Variants in PDE11A observed in about 807,000 individuals in gnomAD.
PDE11A encodes dual 3',5'-cyclic-AMP and -GMP phosphodiesterase 11A.
PDE11A carries 100 observed loss-of-function variants against 100.5 expected under a neutral mutation model. The observed-to-expected ratio is 1.00, with a 90% CI of 0.85 to 1.18. The LOEUF (loss-of-function observed/expected upper bound fraction) is 1.18. Among genes scored for constraint, PDE11A ranks in the 50% most tolerant of loss-of-function variants. PDE11A has a pLI of 0.00. For missense variants in PDE11A, 1,141 were observed against 1,152.6 expected (o/e 0.99, Z 0.15); for synonymous variants, 381 against 420.8 (o/e 0.91, Z 1.16).
rs548151195 is a variant in PDE11A at position 177,783,620 on chromosome 2, G to A, written c.1738-14247C>T. Among the ~76,000 whole-genome samples, 26 of 152,234 alleles carry A rather than the reference G, an allele frequency of 1.7e-4. 1 individual carries two copies. Among genetic ancestry groups the A allele is most frequent in the Middle Eastern group, 3.4e-3 (1 of 294 alleles). On this transcript the variant is annotated intron_variant, in intron 9 of 19. Coordinates refer to ENST00000286063, the MANE Select transcript of PDE11A (RefSeq NM_016953.4). Reference sequence around the variant, plus strand: ...CAGATTGCCACTGCATTACTCTTCTGTAACTAAAGATGCTTTAAGTCTAAC... The same window carrying A: ...CAGATTGCCACTGCATTACTCTTCTATAACTAAAGATGCTTTAAGTCTAAC...
chr2:177,842,557 T>C (rs1313654920), intron 5 of PDE11A, among the ~76,000 whole-genome samples: 1 of 152,162 alleles, frequency 6.6e-6, no homozygotes, highest in African/African-American at 2.4e-5. Context: ...TTTAAGAATA[T>C]GGAGCAGGGA....
At chr2:178,019,679 T>C (rs1476917302) in intron 1 of PDE11A, among the ~76,000 whole-genome samples, 2 of 152,160 alleles carry the variant, frequency 1.3e-5, no homozygotes, top group African/African-American at 4.8e-5. Context: ...GAGGATAGTC[T>C]GGGTTTAAGA....
intron 5 of PDE11A, among the ~76,000 whole-genome samples, chr2:177,872,340 C>T (rs913888464): frequency 2.6e-5 from 4 of 152,182 alleles, no homozygotes; most frequent in Non-Finnish European, 5.9e-5. Flanking sequence ...AGAATCCTGT[C>T]ACTAGAGGTG....
chr2:178,072,790 C>A (rs901402611), upstream of PDE11A: 4 of 1,234,482 alleles, frequency 3.2e-6, no homozygotes, highest in Non-Finnish European at 4.1e-6. Flanking sequence ...ATGAGTGGAC[C>A]GCTGTGACAG....
chr2:178,004,211 T>C (rs907659727), intron 2 of PDE11A, among the ~76,000 whole-genome samples: 6 of 152,042 alleles, frequency 3.9e-5, no homozygotes, highest in African/African-American at 1.2e-4. Flanking sequence ...TTTTTTTGTA[T>C]TTTCCAAATT....
At chr2:177,933,378 T>C (rs1462931164) in intron 2 of PDE11A, among the ~76,000 whole-genome samples, 2 of 152,102 alleles carry the variant, frequency 1.3e-5, no homozygotes, top group African/African-American at 2.4e-5. Context: ...AAAGCAATCC[T>C]AAGCAAAAAG....
intron 4 of PDE11A, among the ~76,000 whole-genome samples, chr2:177,883,005 C>T (rs1473691134): frequency 1.3e-5 from 2 of 152,058 alleles, no homozygotes; most frequent in South Asian, 2.1e-4. Context: ...TGTGGTGGCT[C>T]ACACCTGTAA....
chr2:178,102,742 T>C (rs1324583322), intron 2 of PDE11A, among the ~76,000 whole-genome samples: 1 of 152,166 alleles, frequency 6.6e-6, no homozygotes, highest in Non-Finnish European at 1.5e-5. Flanking sequence ...ATTTATTTTA[T>C]ATGTAAAAGT....
chr2:177,728,412 A>G (rs2081635564), intron 10 of PDE11A, among the ~76,000 whole-genome samples: 1 of 152,046 alleles, frequency 6.6e-6, no homozygotes, highest in Admixed American at 6.6e-5. Context: ...TGAAGATAAA[A>G]TACACGCACT....
intron 10 of PDE11A, among the ~76,000 whole-genome samples, chr2:177,755,434 G>A (rs754542003): frequency 5.9e-5 from 9 of 152,170 alleles, no homozygotes; most frequent in Non-Finnish European, 1.0e-4. Context: ...CCCAGGAAAT[G>A]CCTGCCTGCC....
At chr2:177,819,597 G>A (rs1239699783) in intron 7 of PDE11A, among the ~76,000 whole-genome samples, 1 of 152,014 alleles carries the variant, frequency 6.6e-6, no homozygotes, top group Non-Finnish European at 1.5e-5. Flanking sequence ...GAGAAAAATT[G>A]GAAGCTGCTT....
intron 5 of PDE11A, among the ~76,000 whole-genome samples, chr2:177,860,275 C>T (rs2083923861): frequency 6.7e-6 from 1 of 149,760 alleles, no homozygotes; most frequent in Admixed American, 6.6e-5. Context: ...GAAAGAGGGG[C>T]TTTAACTACT....
intron 4 of PDE11A, among the ~76,000 whole-genome samples, chr2:177,892,883 G>A (rs2105720794): frequency 6.6e-6 from 1 of 152,320 alleles, no homozygotes; most frequent in Non-Finnish European, 1.5e-5. Context: ...CCAGGAAATG[G>A]GAAAAGTTGC....
intron 15 of PDE11A, among the ~76,000 whole-genome samples, chr2:177,685,846 T>C (rs1037046955): frequency 4.6e-4 from 70 of 152,148 alleles, no homozygotes; most frequent in African/African-American, 1.7e-3. Flanking sequence ...GGATTACAGG[T>C]GTGAGCCATC....
chr2:177,804,181 T>C (rs2082833029), intron 9 of PDE11A, among the ~76,000 whole-genome samples: 1 of 151,730 alleles, frequency 6.6e-6, no homozygotes, highest in Non-Finnish European at 1.5e-5. Flanking sequence ...ACCCACAGAA[T>C]GGGCAAAAAG....
At chr2:177,675,298 T>C (rs1464321200) in intron 17 of PDE11A, among the ~76,000 whole-genome samples, 157 bp downstream of exon 17, 1 of 150,040 alleles carries the variant, frequency 6.7e-6, no homozygotes, top group Non-Finnish European at 1.5e-5. Context: ...ATAAACTGTG[T>C]CGTGCCTAAG....
chr2:177,689,301 C>T (rs1490906600), intron 15 of PDE11A, among the ~76,000 whole-genome samples: 4 of 152,120 alleles, frequency 2.6e-5, no homozygotes, highest in African/African-American at 7.2e-5. Flanking sequence ...AGGCTAGTCT[C>T]GAACTCCTGA....
intron 12 of PDE11A, among the ~76,000 whole-genome samples, chr2:177,725,834 G>A (rs1277846909): frequency 1.3e-5 from 2 of 152,058 alleles, no homozygotes; most frequent in Admixed American, 1.3e-4. Flanking sequence ...ACTATTTTAA[G>A]GTTTGTTATA....
At chr2:177,893,804 A>C (rs1265973462) in intron 4 of PDE11A, among the ~76,000 whole-genome samples, 2 of 152,222 alleles carry the variant, frequency 1.3e-5, no homozygotes, top group Non-Finnish European at 2.9e-5. Context: ...GGTCATAAGT[A>C]ATATGGAAAA....
Sources: gnomAD v4.1 joint callset for allele counts (sites outside exome capture counted in the v4.1 genomes callset) on GRCh38, gnomAD v4.1.1 for gene constraint, MANE v1.5 for transcripts, NCBI Gene and HGNC (gene_info 2026-07-23, HGNC 2026-07-21) for gene names.